Variants in MAST2 observed in about 807,000 individuals in gnomAD.
MAST2 encodes microtubule-associated serine/threonine-protein kinase 2.
Under a neutral mutation model 147.4 loss-of-function variants are expected in MAST2, and 70 were observed. The observed-to-expected ratio is 0.47, with a 90% confidence interval of 0.39 to 0.58. The LOEUF (loss-of-function observed/expected upper bound fraction) is 0.58. MAST2 is among the 20% of genes least tolerant of loss of function. MAST2 has a pLI of 0.00. For synonymous variants in MAST2, 869 were observed against 896.8 expected (o/e 0.97, Z 0.55); for missense variants, 2,080 against 2,302.3 (o/e 0.90, Z 1.98).
intron 2 of MAST2, 70 bp from the exon 3 acceptor site, chr1:45,829,369 G>A (rs981843100): frequency 2.2e-6 from 3 of 1,383,226 alleles, no homozygotes; most frequent in Admixed American, 3.8e-5. Flanking sequence ...TGATATCACT[G>A]TATTTGTATT....
Position 46,030,187 on chromosome 1 carries a change from T to C in MAST2, c.2502T>C (p.Asp834=), listed in dbSNP as rs1409624781. ...DSEDEEEVSE[D]GCLEIRQFSS... ...AGGATGAGGAAGAAGTGAGTGAGGA[T>C]GGCTGCCTTGAGATCCGCCAGTTCT... Residue 834 remains aspartate, a synonymous_variant, in exon 21 of 29, where the codon GAT becomes GAC. Transcript: ENST00000361297. The C allele has an allele frequency of 6.2e-7, 1 of 1,614,214 alleles. No homozygotes were observed.
At chr1:45,868,393 A>G (rs1646247286) in intron 3 of MAST2, among the ~76,000 whole-genome samples, 1 of 152,230 alleles carries the variant, frequency 6.6e-6, no homozygotes, top group Non-Finnish European at 1.5e-5. Flanking sequence ...TTATTTGCCC[A>G]TAAGGCACAT....
chr1:45,902,107 TG>T (rs960023909), intron 4 of MAST2, among the ~76,000 whole-genome samples: 5 of 152,202 alleles, frequency 3.3e-5, no homozygotes, highest in Admixed American at 2.6e-4. Flanking sequence ...ATGATGCTAT[TG>T]GCTGTGAGTT....
At chr1:45,978,114 T>C (rs1644249391) in intron 5 of MAST2, among the ~76,000 whole-genome samples, 1 of 152,046 alleles carries the variant, frequency 6.6e-6, no homozygotes, top group Non-Finnish European at 1.5e-5. Context: ...AATAAAAAGA[T>C]AGTATGATTG....
At chr1:45,976,736 T>G (rs1644175733) in intron 5 of MAST2, among the ~76,000 whole-genome samples, 1 of 152,164 alleles carries the variant, frequency 6.6e-6, no homozygotes, top group Non-Finnish European at 1.5e-5. Context: ...TATCAAGATG[T>G]TAGGGGAATG....
intron 19 of MAST2, 48 bp downstream of exon 19, chr1:46,029,615 G>A (rs745482719): frequency 6.4e-7 from 1 of 1,563,138 alleles, no homozygotes; most frequent in Admixed American, 1.7e-5. Context: ...AAAGGGGTAA[G>A]GGAGGCTGAG....
intron 3 of MAST2, among the ~76,000 whole-genome samples, chr1:45,854,717 T>C (rs1054238266): frequency 3.3e-5 from 5 of 152,122 alleles, no homozygotes; most frequent in African/African-American, 7.2e-5. Context: ...GGGTTTTTTT[T>C]CCCTGTACAC....
At chr1:46,007,057 C>T (rs1170293022) in intron 8 of MAST2, among the ~76,000 whole-genome samples, 4 of 152,200 alleles carry the variant, frequency 2.6e-5, no homozygotes, top group African/African-American at 9.7e-5. Context: ...CTAACCTTAA[C>T]AGCTGCTGAT....
chr1:45,911,875 T>C (rs1021004974), intron 4 of MAST2, among the ~76,000 whole-genome samples: 5 of 146,578 alleles, frequency 3.4e-5, no homozygotes, highest in Non-Finnish European at 6.0e-5. Flanking sequence ...TTATTATTAT[T>C]ATTATTATTA....
chr1:45,997,790 C>T lies in MAST2; in HGVS notation c.659C>T (p.Pro220Leu), dbSNP rs1645116251. The change falls in exon 6 of 29, where the codon CCT (proline) becomes CTT (leucine). Residue 220 changes from proline to leucine, a missense_variant. Physicochemically the swap from Pro to Leu is moderately conservative, Grantham distance 98. Transcript: ENST00000361297. ...PNAPAHFSFV[P>L]ARRTDGRRWS... ...GCACCTGCTCACTTTTCTTTTGTTC[C>T]TGCCCGTAGGTAAGTTGATAGGAAA... is the stretch of plus-strand genomic sequence containing the variant. 6.2e-7 allele frequency: 1 copy of T among 1,614,098 alleles called. No individual in the cohort carries two copies. The highest frequency in any genetic ancestry group is 1.3e-5 in the African/African-American group (1 of 75,032).
chr1:45,817,648 T>C (rs143973915), intron 1 of MAST2, among the ~76,000 whole-genome samples: 32 of 152,282 alleles, frequency 2.1e-4, no homozygotes, highest in Non-Finnish European at 3.8e-4. Flanking sequence ...CAAAACTGAC[T>C]GGTAATAGTA....
chr1:45,982,980 A>G (rs1297067970), intron 5 of MAST2, among the ~76,000 whole-genome samples: 1 of 152,184 alleles, frequency 6.6e-6, no homozygotes, highest in Non-Finnish European at 1.5e-5. Context: ...ATGCTTGTTT[A>G]TTATATTGTT....
chr1:46,010,975 C>T, intron 10 of MAST2, 36 bp downstream of exon 10: 1 of 1,556,240 alleles, frequency 6.4e-7, no homozygotes, highest in Non-Finnish European at 8.9e-7. Context: ...GAAAAAACCT[C>T]CACCTGGTAT....
intron 4 of MAST2, among the ~76,000 whole-genome samples, chr1:45,903,356 C>G (rs1489137530): frequency 1.3e-5 from 2 of 152,018 alleles, no homozygotes; most frequent in Non-Finnish European, 2.9e-5. Context: ...TCTCAAACTC[C>G]TGAGCTCAGG....
chr1:45,809,241 A>C (rs1373686920), intron 1 of MAST2, among the ~76,000 whole-genome samples: 1 of 152,204 alleles, frequency 6.6e-6, no homozygotes, highest in East Asian at 1.9e-4. Flanking sequence ...GTTTATTGTT[A>C]GGCACTTTGA....
intron 4 of MAST2, among the ~76,000 whole-genome samples, chr1:45,897,958 A>T (rs1649032563): frequency 6.6e-6 from 1 of 151,504 alleles, no homozygotes; most frequent in African/African-American, 2.4e-5. Context: ...AATACAGAAA[A>T]ATTAGCTGGG....
chr1:46,016,042 A>G lies in MAST2; in HGVS notation c.1189-3554A>G, dbSNP rs376683994. On this transcript the variant is annotated intron_variant, in intron 10 of 28. Coordinates refer to ENST00000361297, the MANE Select transcript of MAST2 (RefSeq NM_015112.3). ...CAATATACATAAATCAATAAATGTA[A>G]TCCAGCATATAAACAGAACCAAAGA... 7.9e-5 allele frequency among the ~76,000 whole-genome samples: 12 copies of G among 152,176 alleles called. No homozygotes were observed. The East Asian group carries it at 1.2e-3, about 15-fold the overall frequency.
intron 17 of MAST2, 113 bp from the exon 18 acceptor site, chr1:46,028,655 T>A (rs1276889930): frequency 2.7e-6 from 3 of 1,091,392 alleles, no homozygotes; most frequent in Admixed American, 2.0e-5. Context: ...TAAGGTGGGC[T>A]GAGTCTTCAT....
intron 3 of MAST2, among the ~76,000 whole-genome samples, chr1:45,870,158 A>T (rs1470034330): frequency 1.3e-5 from 2 of 152,152 alleles, no homozygotes; most frequent in African/African-American, 4.8e-5. Flanking sequence ...TCCTGACCTG[A>T]GGTGATCTGC....
Sources: gnomAD v4.1 joint callset for allele counts (sites outside exome capture counted in the v4.1 genomes callset) on GRCh38, gnomAD v4.1.1 for gene constraint, MANE v1.5 for transcripts, NCBI Gene and HGNC (gene_info 2026-07-23, HGNC 2026-07-21) for gene names.